NEB: variants seen among roughly 807,000 people sequenced by gnomAD.
The protein encoded by NEB is nemaline myopathy type 2.
NEB carries 512 observed loss-of-function variants against 952.2 expected under a neutral mutation model. The ratio of observed to expected loss-of-function variants is 0.54; its 90% CI spans 0.50 to 0.58. NEB has a LOEUF of 0.58. Ranked by LOEUF, NEB falls within the 20% of genes least tolerant of loss-of-function variation. The probability of loss-of-function intolerance (pLI) is 0.00; values close to 1 mark genes in which losing one functional copy is unlikely to be tolerated. For synonymous variants in NEB, 2,900 were observed against 3,149.8 expected (o/e 0.92, Z 2.66); for missense variants, 8,428 against 9,231.1 (o/e 0.91, Z 3.56).
Position 151,687,479 on chromosome 2 carries a change from G to A in NEB, c.2577C>T (p.Leu859=). 2 of 1,613,996 alleles carry A rather than the reference G, an allele frequency of 1.2e-6. No individual in the cohort carries two copies. The highest frequency in any genetic ancestry group is 1.7e-6 in the Non-Finnish European group (2 of 1,179,878). Residue 859 remains leucine, a synonymous_variant, in exon 27 of 182, where the codon CTC becomes CTT. Coordinates refer to ENST00000397345, the MANE Select transcript of NEB (RefSeq NM_001164508.2). ...EKSKGKMIGA[L]SINDDPKMLH... The stretch of plus-strand genomic sequence containing the variant: ...GCATCTTTGGATCGTCATTAATGCT[G>A]AGGGCTCCAATCATTTTCCCTTTGC...
intron 145 of NEB, 84 bp downstream of exon 145, chr2:151,530,910 A>G (rs2090353968): frequency 4.8e-6 from 4 of 841,906 alleles, no homozygotes; most frequent in Non-Finnish European, 7.7e-6. Context: ...GTTACACAGG[A>G]ATAGATAACT....
intron 130 of NEB, 95 bp downstream of exon 130, chr2:151,549,541 G>C (rs1050973855): frequency 6.0e-6 from 5 of 828,024 alleles, no homozygotes; most frequent in South Asian, 5.9e-5. Context: ...TGAACCTTGA[G>C]GGTGAGACTG....
chr2:151,667,015 A>C (rs1224241982), intron 40 of NEB, among the ~76,000 whole-genome samples: 1 of 152,062 alleles, frequency 6.6e-6, no homozygotes, highest in South Asian at 2.1e-4. Flanking sequence ...ATGTCAATTC[A>C]TATAGGAATA....
At chr2:151,573,493 A>G (rs185766723) in intron 107 of NEB, among the ~76,000 whole-genome samples, 4 of 152,338 alleles carry the variant, frequency 2.6e-5, no homozygotes, top group Non-Finnish European at 5.9e-5. Flanking sequence ...GCGCTGCACC[A>G]TGATATTGAT....
intron 110 of NEB, 130 bp downstream of exon 110, chr2:151,569,138 A>G: frequency 2.7e-6 from 2 of 744,568 alleles, no homozygotes; most frequent in South Asian, 3.5e-5. Flanking sequence ...TGAAAAATAT[A>G]TATGCTCAGT....
chr2:151,554,403 A>C (rs1219159077), intron 125 of NEB, among the ~76,000 whole-genome samples: 1 of 152,034 alleles, frequency 6.6e-6, no homozygotes, highest in East Asian at 1.9e-4. Flanking sequence ...CGCTACAAAA[A>C]AAAACCTTAG....
At chr2:151,652,590 G>A (rs1001269140) in intron 52 of NEB, among the ~76,000 whole-genome samples, 7 of 152,248 alleles carry the variant, frequency 4.6e-5, no homozygotes, top group African/African-American at 1.4e-4. Context: ...AGGATGCTGA[G>A]TGGGAGATTA....
At chr2:151,707,739 G>C (rs1372247152) in intron 12 of NEB, among the ~76,000 whole-genome samples, 1 of 152,056 alleles carries the variant, frequency 6.6e-6, no homozygotes, top group Admixed American at 6.5e-5. Context: ...CCTTTATTCA[G>C]GCAATATAAG....
chr2:151,624,576 A>G (rs958342404), intron 71 of NEB, among the ~76,000 whole-genome samples: 2 of 152,180 alleles, frequency 1.3e-5, no homozygotes, highest in Non-Finnish European at 2.9e-5. Flanking sequence ...TGCTGGAGAA[A>G]GTGAAATCAT....
intron 16 of NEB, 123 bp from the exon 17 acceptor site, chr2:151,696,858 A>T: frequency 1.4e-6 from 1 of 708,982 alleles, no homozygotes; most frequent in Non-Finnish European, 2.4e-6. Flanking sequence ...AATAAAATAT[A>T]TTTTTTTCTA....
chr2:151,663,594 G>C lies in NEB; in HGVS notation c.5717C>G (p.Ala1906Gly). 6.2e-7 allele frequency: 1 copy of C among 1,613,126 alleles called. No individual in the cohort carries two copies. Among genetic ancestry groups the C allele is most frequent in the Non-Finnish European group, 8.5e-7 (1 of 1,179,202 alleles). Residue 1906 changes from alanine to glycine, a missense_variant, in exon 45 of 182, where the codon GCC becomes GGC. Ala to Gly is a moderately conservative substitution (Grantham distance 60). Coordinates refer to ENST00000397345, the MANE Select transcript of NEB (RefSeq NM_001164508.2). ...ATTTTTGGCCAATTCAAAGCTCATG[G>C]CATCAGGAAGCATGTTGTAGGTATG... ...VIHTYNMLPD[A>G]MSFELAKNMM... is the part of the protein sequence containing the mutation.
chr2:151,694,697 TGGG>T, intron 18 of NEB, 68 bp from the exon 19 acceptor site: 1 of 1,172,456 alleles, frequency 8.5e-7, no homozygotes, highest in Non-Finnish European at 1.2e-6. Flanking sequence ...TAAAGACTAG[TGGG>T]TAACTAAATA....
chr2:151,680,058 A>G (rs375771207), intron 30 of NEB, 36 bp from the exon 31 acceptor site: 14 of 1,438,822 alleles, frequency 9.7e-6, no homozygotes, highest in Non-Finnish European at 1.4e-5. Flanking sequence ...AAACAAATAA[A>G]GTAGAAAGAA....
intron 60 of NEB, among the ~76,000 whole-genome samples, chr2:151,641,371 G>T (rs913746481): frequency 6.6e-6 from 1 of 152,036 alleles, no homozygotes; most frequent in Non-Finnish European, 1.5e-5. Flanking sequence ...TCTCTCTGTT[G>T]CCCAGGTTGG....
chr2:151,503,245 A>T, intron 166 of NEB, 104 bp downstream of exon 166: 1 of 826,116 alleles, frequency 1.2e-6, no homozygotes, highest in Non-Finnish European at 2.0e-6. Flanking sequence ...ACACACAGAC[A>T]CACACAGAAT....
rs1250068070 is a variant in NEB, at chr2:151,669,121, T to G, written c.4517A>C (p.Lys1506Thr). 1 of 1,575,512 alleles carries G rather than the reference T, an allele frequency of 6.3e-7. No individual in the cohort carries two copies. Among genetic ancestry groups the G allele is most frequent in the Non-Finnish European group, 8.6e-7 (1 of 1,157,570 alleles). Residue 1506 changes from lysine to threonine, a missense_variant, in exon 39 of 182, where the codon AAG (lysine) becomes ACG (threonine). This residue lies in a region of NEB where 2,851 missense variants were observed against 2,791.5 expected (regional missense o/e 1.02). Transcript: ENST00000397345. ...NTKQLSDLNYKVEGEKLKHKY... is the reference protein window; with the variant it reads ...NTKQLSDLNYTVEGEKLKHKY... ...GTGCTTCAGTTTCTCTCCCTCTACCTTGTAGTTCAACTAAAAACAAAGGAG... is the reference window on the plus strand; with the variant it reads ...GTGCTTCAGTTTCTCTCCCTCTACCGTGTAGTTCAACTAAAAACAAAGGAG...
At chr2:151,658,138 T>C in intron 47 of NEB, 48 bp from the exon 48 acceptor site, 1 of 1,364,136 alleles carries the variant, frequency 7.3e-7, no homozygotes, top group South Asian at 1.3e-5. Context: ...TATGAAAGCC[T>C]GGATTTATTT....
chr2:151,492,329 A>G, intron 177 of NEB, 48 bp from the exon 178 acceptor site: 1 of 1,594,128 alleles, frequency 6.3e-7, no homozygotes. Flanking sequence ...GTGTGACTAT[A>G]TCCCTTTTTA....
At chr2:151,521,838 A>G (rs1188944596) in intron 153 of NEB, among the ~76,000 whole-genome samples, 1 of 152,208 alleles carries the variant, frequency 6.6e-6, no homozygotes, top group Non-Finnish European at 1.5e-5. Context: ...ACTAATATGA[A>G]TCTGAGTTCA....
Sources: gnomAD v4.1 joint callset for allele counts (sites outside exome capture counted in the v4.1 genomes callset) on GRCh38, gnomAD v4.1.1 for gene constraint, gnomAD v4.1.1 regional missense constraint, MANE v1.5 for transcripts, NCBI Gene and HGNC (gene_info 2026-07-23, HGNC 2026-07-21) for gene names.